PCNX1: variants seen among roughly 807,000 people sequenced by gnomAD.
PCNX1 encodes pecanex 1.
A neutral mutation model predicts 242.2 loss-of-function variants in PCNX1; 78 were observed. The ratio of observed to expected loss-of-function variants is 0.32; its 90% CI spans 0.27 to 0.39. PCNX1 has a LOEUF of 0.39. Ranked by LOEUF, PCNX1 falls within the 10% of genes least tolerant of loss-of-function variation. PCNX1 has a pLI of 1.00. For synonymous variants in PCNX1, 1,024 were observed against 1,032.9 expected, an observed-to-expected ratio of 0.99 and a Z score of 0.17; for missense variants, 2,581 against 2,856.5, an observed-to-expected ratio of 0.90 and a Z score of 2.20.
At chr14:71,026,006 C>T in intron 13 of PCNX1, 111 bp from the exon 14 acceptor site, 1 of 540,592 alleles carries the variant, frequency 1.8e-6, no homozygotes, top group East Asian at 3.1e-5. Flanking sequence ...AGAAATCTGG[C>T]TTCCATATGG....
chr14:71,015,202 G>A (rs1180811447), intron 11 of PCNX1, among the ~76,000 whole-genome samples: 31 of 152,302 alleles, frequency 2.0e-4, no homozygotes, highest in Non-Finnish European at 4.4e-5. Context: ...AATGTTGGAG[G>A]ATGTCTTTCA....
intron 30 of PCNX1, among the ~76,000 whole-genome samples, chr14:71,096,393 C>T (rs940685539): frequency 6.6e-5 from 10 of 152,090 alleles, no homozygotes; most frequent in Non-Finnish European, 1.0e-4. Context: ...ATTGCTTGAG[C>T]AAAGGAGGTC....
intron 5 of PCNX1, among the ~76,000 whole-genome samples, chr14:70,974,454 T>C (rs2058635830): frequency 1.3e-5 from 2 of 152,180 alleles, no homozygotes; most frequent in South Asian, 4.1e-4. Flanking sequence ...TTTCACTTAA[T>C]TATTTTCTCA....
At chr14:70,972,793 C>A (rs1040755857) in intron 5 of PCNX1, among the ~76,000 whole-genome samples, 3 of 152,162 alleles carry the variant, frequency 2.0e-5, no homozygotes. Context: ...CCCTACCTCT[C>A]GCTCATACCT....
intron 21 of PCNX1, 110 bp downstream of exon 21, chr14:71,047,215 T>C (rs1001990954): frequency 9.9e-6 from 5 of 503,140 alleles, no homozygotes; most frequent in Non-Finnish European, 1.5e-5. Context: ...CAAGGCACTG[T>C]GAGATTAAAA....
rs772354879 is a variant in PCNX1, at chr14:71,057,671, T to C, written c.4799T>C (p.Ile1600Thr). ...TATCTCAATGCATTAGTACACCTTA[T>C]AGAGATAGGCAATGGTCTGGTCACT... ...SDYLNALVHL[I>T]EIGNGLVTFQ... is the part of the protein sequence containing the mutation. The change falls in exon 26 of 36, where the codon ATA (isoleucine) becomes ACA (threonine). Residue 1600 changes from isoleucine to threonine, a missense_variant. Around this residue, in one of 9 missense-constraint regions of PCNX1, gnomAD observed 54 missense variants for 45.3 expected, o/e 1.19. Transcript: ENST00000304743. 11 of 1,614,028 alleles carry C rather than the reference T, an allele frequency of 6.8e-6. No homozygotes were observed. The highest frequency in any genetic ancestry group is 3.3e-5 in the Admixed American group (2 of 60,026).
rs554397300 is a variant in PCNX1, at chr14:70,978,560, C to A, written c.2223C>A (p.Ser741=). Residue 741 remains serine, a synonymous_variant, in exon 6 of 36, where the codon TCC becomes TCA. Transcript: ENST00000304743. The part of the protein sequence containing the change: ...LDELSLLGRA[S]QLETVTRSRN... ...AGCTATCTTTATTAGGACGGGCTTC[C>A]CAGTTAGAGACAGTCACTCGATCTA... is the stretch of plus-strand genomic sequence containing the variant. 7.4e-5 allele frequency: 120 copies of A among 1,613,940 alleles called. No individual in the cohort carries two copies. The highest frequency in any genetic ancestry group is 1.6e-4 in the Middle Eastern group (1 of 6,084).
intron 30 of PCNX1, chr14:71,092,968 C>T (rs989151013): frequency 6.6e-6 from 1 of 152,270 alleles, no homozygotes; most frequent in Admixed American, 6.5e-5. Context: ...TGCCTGTGGC[C>T]ACCCAGAACC....
In PCNX1 at chr14:71,031,662, C is replaced by A. The variant is rs1416163384; in HGVS notation, c.3559-1767C>A. ...CTGTGGGTGGGACGTCTCTCACCGT[C>A]AGTAGGTCCTGCTCACGTCTGTACA... is the stretch of plus-strand genomic sequence containing the variant. On this transcript the variant is annotated intron_variant, in intron 16 of 35. Coordinates refer to ENST00000304743, the MANE Select transcript of PCNX1 (RefSeq NM_014982.3). The A allele has an allele frequency of 2.7e-5, 19 of 700,664 alleles. No individual in the cohort carries two copies. The East Asian group carries it at 5.0e-4, about 18-fold the overall frequency. 43.4% of individuals were successfully genotyped at this position (700,664 alleles called of 1,614,324 possible).
At chr14:70,943,901 A>G (rs1242137786) in intron 1 of PCNX1, among the ~76,000 whole-genome samples, 1 of 152,230 alleles carries the variant, frequency 6.6e-6, no homozygotes, top group Non-Finnish European at 1.5e-5. Context: ...GCAAGCATCA[A>G]GCATTGGTGC....
intron 9 of PCNX1, 47 bp from the exon 10 acceptor site, chr14:71,011,445 T>C (rs1385902672): frequency 2.9e-6 from 3 of 1,037,806 alleles, no homozygotes; most frequent in Non-Finnish European, 4.5e-6. Flanking sequence ...AGGATATATT[T>C]TTCTTTCTGC....
chr14:71,041,712 C>T (rs1482747034), intron 19 of PCNX1, among the ~76,000 whole-genome samples: 1 of 151,820 alleles, frequency 6.6e-6, no homozygotes, highest in Non-Finnish European at 1.5e-5. Flanking sequence ...ACCTTTCTTA[C>T]TAGTTCCTTG....
intron 7 of PCNX1, among the ~76,000 whole-genome samples, chr14:70,993,282 G>A (rs983617526): frequency 6.6e-5 from 10 of 151,128 alleles, no homozygotes; most frequent in African/African-American, 1.7e-4. Flanking sequence ...CACCATGCCC[G>A]GCTAATTTTT....
intron 30 of PCNX1, among the ~76,000 whole-genome samples, chr14:71,089,598 G>A (rs1204549880): frequency 6.6e-6 from 1 of 152,174 alleles, no homozygotes. Context: ...GCAAAAGGGG[G>A]AGAACCCCTT....
chr14:70,944,081 A>T (rs1263482657), intron 1 of PCNX1, among the ~76,000 whole-genome samples: 1 of 152,214 alleles, frequency 6.6e-6, no homozygotes, highest in Non-Finnish European at 1.5e-5. Context: ...TGGAAGGGAA[A>T]TGTGGGGTTG....
At position 71,026,762 on chromosome 14, in the gene PCNX1, C is replaced by T. The variant is rs1215253606; in HGVS notation, c.3356-10C>T. 8 of 1,218,466 alleles carry T rather than the reference C, an allele frequency of 6.6e-6. 1 individual carries two copies. Among genetic ancestry groups the T allele is most frequent in the Admixed American group, 1.8e-5 (1 of 55,900 alleles). 75.5% of individuals were successfully genotyped at this position (1,218,466 alleles called of 1,614,324 possible). ...AATATTTTAAAATATACTTTTCTTT[C>T]TTTTTATAGTGTTTACACTCTGTTT... is the stretch of plus-strand genomic sequence containing the variant. On this transcript the variant is annotated splice_polypyrimidine_tract_variant and intron_variant, in intron 14 of 35. Transcript: ENST00000304743.
chr14:70,959,353 A>G (rs1228378960), intron 2 of PCNX1, among the ~76,000 whole-genome samples: 6 of 146,408 alleles, frequency 4.1e-5, no homozygotes, highest in Admixed American at 2.0e-4. Flanking sequence ...AGCATTAGGT[A>G]TATCTTCTAA....
chr14:71,100,761 G>A (rs575458116), intron 30 of PCNX1, among the ~76,000 whole-genome samples: 3 of 152,176 alleles, frequency 2.0e-5, no homozygotes, highest in East Asian at 1.9e-4. Context: ...ACATAATCCC[G>A]TATTCCTCAA....
At position 71,114,025 on chromosome 14, in the gene PCNX1, TTTTCC is replaced by T. The variant is rs2062806388; in HGVS notation, c.*4094_*4098del. ...AAGTGTCCCTTTTTATTCTAGAGGC[TTTTCC>T]TTTAATTCAGAGATTAGTGGAGATA... On this transcript the variant is annotated 3_prime_UTR_variant, in exon 36 of 36. Transcript: ENST00000304743. 1 of 152,198 alleles carries T rather than the reference TTTTCC, an allele frequency of 6.6e-6. No individual in the cohort carries two copies. The highest frequency in any genetic ancestry group is 1.9e-4 in the East Asian group (1 of 5,198). 9.4% of individuals were successfully genotyped at this position (152,198 alleles called of 1,614,324 possible).
Sources: allele counts gnomAD v4.1 joint callset (sites outside exome capture counted in the v4.1 genomes callset), GRCh38; gene constraint gnomAD v4.1.1; regional missense constraint gnomAD v4.1.1; transcripts MANE v1.5; gene names NCBI Gene and HGNC (gene_info 2026-07-23, HGNC 2026-07-21).